OPCML: variants seen among roughly 807,000 people sequenced by gnomAD.
The protein encoded by OPCML is opioid binding protein/cell adhesion molecule like.
OPCML carries 13 observed loss-of-function variants against 37.8 expected under a neutral mutation model. The observed-to-expected ratio is 0.34, with a 90% CI of 0.22 to 0.55. OPCML has a LOEUF of 0.55. Among genes scored for constraint, OPCML ranks in the 20% least tolerant of loss-of-function variants. The pLI is 0.91. For synonymous variants in OPCML, 176 were observed against 168.8 expected (o/e 1.04, Z -0.33); for missense variants, 341 against 435.6 (o/e 0.78, Z 1.93).
chr11:133,487,977 A>G (rs146836830), intron 1 of OPCML, among the ~76,000 whole-genome samples: 3 of 152,272 alleles, frequency 2.0e-5, no homozygotes, highest in African/African-American at 4.8e-5. Context: ...ACATATACAA[A>G]TCAATAAATG....
intron 1 of OPCML, among the ~76,000 whole-genome samples, chr11:133,470,982 T>C (rs1382293868): frequency 1.3e-5 from 2 of 152,130 alleles, no homozygotes; most frequent in African/African-American, 2.4e-5. Flanking sequence ...ACAAACTAAC[T>C]GCATCCCTAC....
At chr11:132,512,783 T>C (rs532294286) in intron 4 of OPCML, among the ~76,000 whole-genome samples, 20 of 151,900 alleles carry the variant, frequency 1.3e-4, no homozygotes, top group Non-Finnish European at 2.2e-4. Flanking sequence ...TCTAAAAAAG[T>C]CTAATATATA....
At chr11:133,123,416 T>G (rs536688981) in intron 1 of OPCML, among the ~76,000 whole-genome samples, 3 of 152,326 alleles carry the variant, frequency 2.0e-5, no homozygotes, top group African/African-American at 7.2e-5. Flanking sequence ...CTGGGTAGTC[T>G]TTTTATTGTT....
chr11:133,039,252 A>C (rs537528221), intron 1 of OPCML, among the ~76,000 whole-genome samples: 11 of 152,302 alleles, frequency 7.2e-5, no homozygotes, highest in African/African-American at 2.2e-4. Context: ...TGTATGCTGC[A>C]GCAGGAGCCA....
intron 1 of OPCML, among the ~76,000 whole-genome samples, chr11:132,959,160 G>A (rs752535567): frequency 5.9e-5 from 9 of 152,200 alleles, no homozygotes; most frequent in Admixed American, 1.3e-4. Flanking sequence ...CTTAGAAGAC[G>A]TTGATTCCAA....
chr11:133,487,281 A>G (rs955747170), intron 1 of OPCML, among the ~76,000 whole-genome samples: 13 of 152,014 alleles, frequency 8.6e-5, no homozygotes, highest in African/African-American at 3.1e-4. Flanking sequence ...CCAGGGAGAA[A>G]ATACTTCATC....
chr11:133,096,069 A>C (rs376869568), intron 1 of OPCML, among the ~76,000 whole-genome samples: 1 of 152,004 alleles, frequency 6.6e-6, no homozygotes, highest in Non-Finnish European at 1.5e-5. Flanking sequence ...AAAATCCTTC[A>C]CCGATCTAAC....
chr11:132,959,277 G>A (rs1008275190), intron 1 of OPCML, among the ~76,000 whole-genome samples: 8 of 152,228 alleles, frequency 5.3e-5, no homozygotes, highest in African/African-American at 1.9e-4. Context: ...CTAAAGATGT[G>A]ACAGTCTCAC....
chr11:132,589,532 C>T (rs1445284407), intron 3 of OPCML, among the ~76,000 whole-genome samples: 1 of 152,114 alleles, frequency 6.6e-6, no homozygotes, highest in Admixed American at 6.5e-5. Flanking sequence ...TGGAAAGTAA[C>T]ATGTTGCTAT....
intron 1 of OPCML, among the ~76,000 whole-genome samples, chr11:133,228,217 A>G (rs1403262941): frequency 1.3e-5 from 2 of 152,084 alleles, no homozygotes; most frequent in East Asian, 3.9e-4. Flanking sequence ...ACCGCACTGC[A>G]TTTTACAAGA....
intron 4 of OPCML, among the ~76,000 whole-genome samples, chr11:132,505,419 A>G (rs1475865781): frequency 6.6e-6 from 1 of 152,216 alleles, no homozygotes; most frequent in East Asian, 1.9e-4. Context: ...CAATAAAAAA[A>G]TCGGCTTCCA....
chr11:133,070,736 A>G (rs1948519392), intron 1 of OPCML, among the ~76,000 whole-genome samples: 1 of 152,232 alleles, frequency 6.6e-6, no homozygotes, highest in Admixed American at 6.5e-5. Flanking sequence ...GCCTGGGTTC[A>G]TACTGGCTGG....
chr11:132,548,615 C>A (rs940665645), intron 3 of OPCML, among the ~76,000 whole-genome samples: 3 of 152,174 alleles, frequency 2.0e-5, no homozygotes, highest in Non-Finnish European at 4.4e-5. Context: ...ATAAGCTCTC[C>A]TCTACCCCAT....
chr11:133,314,202 T>C (rs1178329948), intron 1 of OPCML, among the ~76,000 whole-genome samples: 19 of 111,708 alleles, frequency 1.7e-4, no homozygotes, highest in East Asian at 9.2e-4. Flanking sequence ...GCCACTGCAC[T>C]CCAGCCTGGG....
chr11:133,116,265 C>A (rs953875923), intron 1 of OPCML, among the ~76,000 whole-genome samples: 2 of 152,188 alleles, frequency 1.3e-5, no homozygotes, highest in Non-Finnish European at 2.9e-5. Flanking sequence ...CTGCACCCGG[C>A]CAAGGGCATT....
At chr11:133,145,414 A>G (rs1251803285) in intron 1 of OPCML, among the ~76,000 whole-genome samples, 2 of 152,188 alleles carry the variant, frequency 1.3e-5, no homozygotes, top group African/African-American at 4.8e-5. Flanking sequence ...AAGGTAAACC[A>G]GAGAAAGGTA....
Position 133,458,208 on chromosome 11 carries a change from G to A in OPCML, c.61+74056C>T, listed in dbSNP as rs576070369. ...TATATACACATATATACACGTGTGTGTATATATACACATATATACACGTGT... is the reference window on the plus strand; with the variant it reads ...TATATACACATATATACACGTGTGTATATATATACACATATATACACGTGT... On this transcript the variant is annotated intron_variant, in intron 1 of 7. Coordinates refer to ENST00000524381, the MANE Select transcript of OPCML (RefSeq NM_001012393.5). Among the ~76,000 whole-genome samples, 1,062 of 119,124 alleles carry A rather than the reference G, an allele frequency of 8.9e-3. 16 individuals are homozygous for A. Among genetic ancestry groups the A allele is most frequent in the African/African-American group, 0.057 (958 of 16,778 alleles). 78.1% of individuals were successfully genotyped at this position (119,124 alleles called of 152,430 possible).
intron 4 of OPCML, among the ~76,000 whole-genome samples, chr11:132,467,585 A>G (rs2096123733): frequency 6.6e-6 from 1 of 152,220 alleles, no homozygotes; most frequent in Non-Finnish European, 1.5e-5. Context: ...CTGGAGATGC[A>G]GTTTAATGCT....
chr11:133,144,309 C>T (rs949521078), intron 1 of OPCML, among the ~76,000 whole-genome samples: 3 of 152,246 alleles, frequency 2.0e-5, no homozygotes, highest in Admixed American at 1.3e-4. Flanking sequence ...CTGAGCAGAG[C>T]CTGGCTCCAG....
Sources: allele counts gnomAD v4.1 joint callset (sites outside exome capture counted in the v4.1 genomes callset), GRCh38; gene constraint gnomAD v4.1.1; transcripts MANE v1.5; gene names NCBI Gene and HGNC (gene_info 2026-07-23, HGNC 2026-07-21).